BEND4: variants seen among roughly 807,000 people sequenced by gnomAD.
The protein encoded by BEND4 is BEN domain containing 4.
In BEND4, 27 loss-of-function variants were observed where a neutral mutation model predicts 54.7. The ratio of observed to expected loss-of-function variants is 0.49; its 90% CI spans 0.36 to 0.68. BEND4 has a LOEUF of 0.68. Among genes scored for constraint, BEND4 ranks in the 30% least tolerant of loss-of-function variants. The probability of loss-of-function intolerance (pLI) is 0.00; values close to 1 mark genes in which losing one functional copy is unlikely to be tolerated. For missense variants in BEND4, 702 were observed against 697.2 expected (o/e 1.01, Z -0.08); for synonymous variants, 327 against 299.5 (o/e 1.09, Z -0.95).
intron 3 of BEND4, among the ~76,000 whole-genome samples, chr4:42,130,459 G>A (rs1485344689): frequency 5.6e-5 from 7 of 124,720 alleles, no homozygotes; most frequent in East Asian, 2.2e-4. Flanking sequence ...CAGTCTGGGC[G>A]ACAGAGCAAG....
rs556160443 is a variant in BEND4, at chr4:42,147,652, C to A, written c.488-3658G>T. On this transcript the variant is annotated intron_variant, in intron 2 of 5. Transcript: ENST00000502486. The stretch of plus-strand genomic sequence containing the variant: ...ACAAAGCCCTCTAAAATGCCCACTT[C>A]TCTCTAATTTATTTTGCTTTATTGT... Among the ~76,000 whole-genome samples the A allele has an allele frequency of 1.1e-3, 165 of 152,178 alleles. 1 individual carries two copies. Among genetic ancestry groups the A allele is most frequent in the African/African-American group, 3.9e-3 (161 of 41,548 alleles).
At chr4:42,122,225 T>G (rs1210510640) in intron 4 of BEND4, among the ~76,000 whole-genome samples, 1 of 152,198 alleles carries the variant, frequency 6.6e-6, no homozygotes, top group Admixed American at 6.5e-5. Flanking sequence ...GGTCTATTCC[T>G]CAGCTGGGCT....
In BEND4 at chr4:42,151,893, C is replaced by T; in HGVS notation, c.251G>A (p.Ser84Asn). 7.8e-7 allele frequency: 1 copy of T among 1,286,096 alleles called. No individual in the cohort carries two copies. Among genetic ancestry groups the T allele is most frequent in the Non-Finnish European group, 9.8e-7 (1 of 1,023,480 alleles). The allele number at this position is 1,286,096 out of a possible 1,614,324, so 79.7% of individuals were successfully genotyped here. The change falls in exon 2 of 6, where the codon AGC (serine) becomes AAC (asparagine). Residue 84 changes from serine to asparagine, a missense_variant. Ser to Asn is a conservative substitution (Grantham distance 46). Transcript: ENST00000502486. ...EPPPQQFQAQ[S>N]SYPPGPGRAA... ...CCGGCCGGGCCCGGGGGGGTAGGAG[C>T]TCTGCGCCTGGAACTGCTGCGGCGG...
rs776733965 is a variant in BEND4 at position 42,120,231 on chromosome 4, C to G, written c.1210G>C (p.Val404Leu). 17 of 1,613,754 alleles carry G rather than the reference C, an allele frequency of 1.1e-5. No individual in the cohort carries two copies. The highest frequency in any genetic ancestry group is 1.3e-5 in the Non-Finnish European group (15 of 1,179,808). ...CTCCCATCTTTCTTTGAAGAATTTACAGCCTCATCCCACTGTTTGCTCGTT... is the reference window on the plus strand; with the variant it reads ...CTCCCATCTTTCTTTGAAGAATTTAGAGCCTCATCCCACTGTTTGCTCGTT... ...YITSKQWDEA[V>L]NSSKKDGRRL... Residue 404 changes from valine (V) to leucine (L), a missense_variant, in exon 5 of 6, where the codon GTA becomes CTA. Val to Leu is a conservative substitution (Grantham distance 32, BLOSUM62 1). Coordinates refer to ENST00000502486, the MANE Select transcript of BEND4 (RefSeq NM_207406.4).
intron 4 of BEND4, among the ~76,000 whole-genome samples, chr4:42,125,254 T>A (rs1191737777): frequency 1.3e-5 from 2 of 152,190 alleles, no homozygotes; most frequent in Admixed American, 1.3e-4. Context: ...GTGAGGGGCA[T>A]GTGGAACACA....
At chr4:42,133,566 G>A (rs891870039) in intron 3 of BEND4, among the ~76,000 whole-genome samples, 5 of 152,104 alleles carry the variant, frequency 3.3e-5, no homozygotes, top group East Asian at 1.9e-4. Context: ...GTACAACTGG[G>A]AAAATGGGCG....
rs1719884551 is a variant in BEND4 at position 42,117,471 on chromosome 4, TG to T, written c.*46del. 1 of 1,366,390 alleles carries T rather than the reference TG, an allele frequency of 7.3e-7. No individual in the cohort carries two copies. The highest frequency in any genetic ancestry group is 1.0e-6 in the Non-Finnish European group (1 of 977,130). 84.6% of individuals were successfully genotyped at this position (1,366,390 alleles called of 1,614,324 possible). A position where few individuals can be genotyped will look rare whatever the true frequency, so the allele number is the denominator to read the frequency against. On this transcript the variant is annotated 3_prime_UTR_variant, in exon 6 of 6. Transcript: ENST00000502486. ...GTGACAGGAACAGGACATTCACAAT[TG>T]GAACTCTTGAGAGGACCAGCTGCTA...
rs376455434 is a variant in BEND4, at chr4:42,111,685, C to T, written c.*5833G>A. On this transcript the variant is annotated 3_prime_UTR_variant, in exon 6 of 6. Coordinates refer to ENST00000502486, the MANE Select transcript of BEND4 (RefSeq NM_207406.4). The stretch of plus-strand genomic sequence containing the variant: ...CAGTGACATCATAAATTAAAACTCT[C>T]TCTTCCAAACCAATCAGACTCATCA... 4.0e-4 allele frequency: 61 copies of T among 152,356 alleles called. 1 individual carries two copies. Among genetic ancestry groups the T allele is most frequent in the African/African-American group, 1.4e-3 (58 of 41,584 alleles). The allele number at this position is 152,356 out of a possible 1,614,324, so 9.4% of individuals were successfully genotyped here.
intron 3 of BEND4, among the ~76,000 whole-genome samples, chr4:42,140,891 T>C (rs1020625126): frequency 1.3e-5 from 2 of 152,336 alleles, no homozygotes; most frequent in Middle Eastern, 3.4e-3. Context: ...TGAAAGTCTC[T>C]GTAGCTGGAT....
At chr4:42,141,071 C>T (rs1225442001) in intron 3 of BEND4, among the ~76,000 whole-genome samples, 1 of 152,192 alleles carries the variant, frequency 6.6e-6, no homozygotes, top group Non-Finnish European at 1.5e-5. Context: ...TTGGGGAAAC[C>T]AGGAATGATC....
rs202232966 is a variant in BEND4, at chr4:42,145,320, CTTA to C, written c.488-1329_488-1327del. On this transcript the variant is annotated intron_variant, in intron 2 of 5. Transcript: ENST00000502486. ...TCAACGTTCCACTGTGTTCTTTTTT[CTTA>C]TTATCCTTTCATGAAATAACTAAGA... 2.0e-5 allele frequency among the ~76,000 whole-genome samples: 3 copies of C among 152,216 alleles called. No individual in the cohort carries two copies. In the East Asian group the frequency reaches 5.8e-4, roughly 29 times the overall value.
At chr4:42,130,252 G>A (rs1024299826) in intron 3 of BEND4, among the ~76,000 whole-genome samples, 24 of 151,998 alleles carry the variant, frequency 1.6e-4, no homozygotes, top group Non-Finnish European at 2.2e-4. Flanking sequence ...AGGCCGAGGC[G>A]GGCGGATCAC....
rs1283403662 is a variant in BEND4 at position 42,114,760 on chromosome 4, G to A, written c.*2758C>T. On this transcript the variant is annotated 3_prime_UTR_variant, in exon 6 of 6. Coordinates refer to ENST00000502486, the MANE Select transcript of BEND4 (RefSeq NM_207406.4). The stretch of plus-strand genomic sequence containing the variant: ...GCCAAAATACAAATGAACATCCTTT[G>A]TTGGTCCTGATTTAAACAAGAGGAG... 3 of 152,214 alleles carry A rather than the reference G, an allele frequency of 2.0e-5. No individual in the cohort carries two copies. Among genetic ancestry groups the A allele is most frequent in the Non-Finnish European group, 4.4e-5 (3 of 68,060 alleles). The allele number at this position is 152,214 out of a possible 1,614,324, so 9.4% of individuals were successfully genotyped here.
rs1264522137 is a variant in BEND4, at chr4:42,151,920, G to T, written c.224C>A (p.Pro75Gln). The T allele has an allele frequency of 8.0e-7, 1 of 1,255,486 alleles. No individual in the cohort carries two copies. Among genetic ancestry groups the T allele is most frequent in the African/African-American group, 1.6e-5 (1 of 64,028 alleles). 77.8% of individuals were successfully genotyped at this position (1,255,486 alleles called of 1,614,324 possible). Residue 75 changes from proline to glutamine, a missense_variant, in exon 2 of 6, where the codon CCG becomes CAG. Coordinates refer to ENST00000502486, the MANE Select transcript of BEND4 (RefSeq NM_207406.4). Reference sequence around the variant, plus strand: ...CTGCGCCTGGAACTGCTGCGGCGGCGGCTCGCTGCTGCTGATGGAGACGGC... The same window carrying T: ...CTGCGCCTGGAACTGCTGCGGCGGCTGCTCGCTGCTGCTGATGGAGACGGC... ...HAAVSISSSE[P>Q]PPQQFQAQSS...
chr4:42,144,881 AC>A lies in BEND4; in HGVS notation c.488-888del, dbSNP rs531727521. 5.0e-3 allele frequency among the ~76,000 whole-genome samples: 759 copies of A among 152,308 alleles called. 3 individuals carry two copies. Among genetic ancestry groups the A allele is most frequent in the African/African-American group, 0.018 (728 of 41,578 alleles). ...TGATATCGAAGGGTCTTGAAAATTTACCCCAAATATAAATGTCACAGGGTAG... is the reference window on the plus strand; with the variant it reads ...TGATATCGAAGGGTCTTGAAAATTTACCCAAATATAAATGTCACAGGGTAG... On this transcript the variant is annotated intron_variant, in intron 2 of 5. Transcript: ENST00000502486.
intron 3 of BEND4, among the ~76,000 whole-genome samples, chr4:42,130,107 C>G (rs1385270461): frequency 6.6e-6 from 1 of 152,174 alleles, no homozygotes; most frequent in Admixed American, 6.5e-5. Flanking sequence ...ACAGACACTT[C>G]TCAAAAGAAG....
chr4:42,131,953 G>A (rs1720521602), intron 3 of BEND4, among the ~76,000 whole-genome samples: 1 of 152,114 alleles, frequency 6.6e-6, no homozygotes, highest in South Asian at 2.1e-4. Flanking sequence ...CTTGACTGGG[G>A]GCTCTCTGGA....
intron 3 of BEND4, among the ~76,000 whole-genome samples, chr4:42,138,060 T>C (rs535316023): frequency 6.6e-6 from 1 of 152,194 alleles, no homozygotes; most frequent in African/African-American, 2.4e-5. Context: ...ATTAAAAATA[T>C]GACCCAGCAA....
At position 42,118,978 on chromosome 4, in the gene BEND4, C is replaced by T. The variant is rs546046091; in HGVS notation, c.1387+1076G>A. Among the ~76,000 whole-genome samples, 4 of 152,260 alleles carry T rather than the reference C, an allele frequency of 2.6e-5. No homozygotes were observed. The South Asian group carries it at 8.3e-4, about 32-fold the overall frequency. ...CTCAGGTGGCTTCCTGAATCGTGGG[C>T]CATGTGTGCATACGCCCCTAAGGTT... On this transcript the variant is annotated intron_variant, in intron 5 of 5. Coordinates refer to ENST00000502486, the MANE Select transcript of BEND4 (RefSeq NM_207406.4).
Sources: gnomAD v4.1 joint callset for allele counts (sites outside exome capture counted in the v4.1 genomes callset) on GRCh38, gnomAD v4.1.1 for gene constraint, MANE v1.5 for transcripts, NCBI Gene and HGNC (gene_info 2026-07-23, HGNC 2026-07-21) for gene names.